FBN2: variants seen among roughly 807,000 people sequenced by gnomAD.
The protein encoded by FBN2 is fibrillin-2.
A neutral mutation model predicts 355.6 loss-of-function variants in FBN2; 105 were observed. That is an observed-to-expected ratio of 0.30 (90% confidence interval 0.25 to 0.35). The LOEUF (loss-of-function observed/expected upper bound fraction) is 0.35, where lower values mean the gene tolerates loss of function less well. FBN2 is among the 10% of genes least tolerant of loss of function. FBN2 has a pLI of 1.00. For synonymous variants in FBN2, 1,350 were observed against 1,301.2 expected, an observed-to-expected ratio of 1.04 and a Z score of -0.81; for missense variants, 3,280 against 3,758.7, an observed-to-expected ratio of 0.87 and a Z score of 3.33.
chr5:128,378,357 G>C (rs904355448), intron 12 of FBN2, among the ~76,000 whole-genome samples: 7 of 152,160 alleles, frequency 4.6e-5, no homozygotes, highest in African/African-American at 1.7e-4. Flanking sequence ...TCAGCAATGA[G>C]GTAGCGCGTT....
chr5:128,479,705 T>C (rs891853821), intron 5 of FBN2, among the ~76,000 whole-genome samples: 2 of 151,974 alleles, frequency 1.3e-5, no homozygotes, highest in African/African-American at 2.4e-5. Flanking sequence ...AACAGGAGGA[T>C]AGCCTCAGGC....
intron 21 of FBN2, among the ~76,000 whole-genome samples, chr5:128,350,415 G>C (rs1314336499): frequency 6.6e-6 from 1 of 152,172 alleles, no homozygotes; most frequent in Non-Finnish European, 1.5e-5. Context: ...GCTGGGCATG[G>C]TGGCGGGCAC....
chr5:128,338,183 A>G, intron 26 of FBN2, 61 bp from the exon 27 acceptor site: 1 of 1,511,906 alleles, frequency 6.6e-7, no homozygotes, highest in Non-Finnish European at 9.2e-7. Flanking sequence ...TCACACATAC[A>G]GCGTGGGAGA....
chr5:128,410,378 C>T (rs1429363418), intron 7 of FBN2, among the ~76,000 whole-genome samples: 4 of 151,992 alleles, frequency 2.6e-5, no homozygotes, highest in South Asian at 4.2e-4. Flanking sequence ...AAACTTATCA[C>T]CTCTGGATAA....
chr5:128,421,055 G>A lies in FBN2; in HGVS notation c.953-12256C>T, dbSNP rs74471099. Among the ~76,000 whole-genome samples, 992 of 152,292 alleles carry A rather than the reference G, an allele frequency of 6.5e-3. 10 individuals carry two copies. Among genetic ancestry groups the A allele is most frequent in the African/African-American group, 0.022 (933 of 41,558 alleles). ...AGACAATGAAAATACTCTAGCTAAA[G>A]TATGGAGGTAGCCAATTATAAGGCA... is the stretch of plus-strand genomic sequence containing the variant. On this transcript the variant is annotated intron_variant, in intron 7 of 64. Transcript: ENST00000262464.
intron 5 of FBN2, among the ~76,000 whole-genome samples, chr5:128,513,138 C>A (rs943471987): frequency 6.6e-6 from 1 of 152,176 alleles, no homozygotes; most frequent in Non-Finnish European, 1.5e-5. Flanking sequence ...CACATTATTG[C>A]TTTTAATCTT....
intron 34 of FBN2, 154 bp downstream of exon 34, chr5:128,328,542 T>C (rs1463656216): frequency 2.4e-6 from 2 of 820,130 alleles, no homozygotes; most frequent in African/African-American, 3.4e-5. Flanking sequence ...CATTATTCAT[T>C]CGGCAAAATA....
At chr5:128,444,577 G>T (rs528552737) in intron 7 of FBN2, among the ~76,000 whole-genome samples, 1 of 152,294 alleles carries the variant, frequency 6.6e-6, no homozygotes, top group South Asian at 2.1e-4. Flanking sequence ...TCTGGGCAAT[G>T]GTTAAATGGA....
chr5:128,312,534 G>A, intron 37 of FBN2, 100 bp downstream of exon 37: 1 of 1,321,524 alleles, frequency 7.6e-7, no homozygotes, highest in Non-Finnish European at 1.1e-6. Flanking sequence ...TTTTTGTTTT[G>A]TCCTCACTAA....
intron 8 of FBN2, 26 bp from the exon 9 acceptor site, chr5:128,395,300 G>T: frequency 6.2e-7 from 1 of 1,613,410 alleles, no homozygotes; most frequent in Non-Finnish European, 8.5e-7. Flanking sequence ...TAAGACAGAA[G>T]ATATGGCAGA....
intron 4 of FBN2, among the ~76,000 whole-genome samples, chr5:128,527,437 T>A (rs993647035): frequency 6.6e-6 from 1 of 152,176 alleles, no homozygotes; most frequent in Non-Finnish European, 1.5e-5. Context: ...TTGGCTCTCC[T>A]GGGGTTAATT....
chr5:128,456,002 A>AACAAAAAAAAAAAAAC, intron 6 of FBN2, among the ~76,000 whole-genome samples: 1 of 140,772 alleles, frequency 7.1e-6, no homozygotes, highest in South Asian at 2.4e-4. Flanking sequence ...AAAAAAAAAA[A>AACAAAAAAAAAAAAAC]AAAAAAAAAA....
rs1037274567 is a variant in FBN2, at chr5:128,374,620, T to A, written c.2095+8A>T. 6.2e-7 allele frequency: 1 copy of A among 1,613,874 alleles called. No homozygotes were observed. On this transcript the variant is annotated splice_region_variant and intron_variant, in intron 15 of 64. Transcript: ENST00000262464. ...CACAGTGGGGCCATTATAAAATGTT[T>A]CACTTACCAACACACACACGTCCAT...
intron 63 of FBN2, among the ~76,000 whole-genome samples, chr5:128,262,764 G>A (rs942970436): frequency 6.6e-6 from 1 of 152,148 alleles, no homozygotes; most frequent in African/African-American, 2.4e-5. Context: ...TTTCAAAGAA[G>A]GCAACCTGGA....
At chr5:128,453,809 C>T (rs1410164724) in intron 6 of FBN2, among the ~76,000 whole-genome samples, 1 of 152,108 alleles carries the variant, frequency 6.6e-6, no homozygotes, top group African/African-American at 2.4e-5. Flanking sequence ...CCAAACTCCT[C>T]CCCCAACTTT....
chr5:128,375,914 T>C (rs1336052203), intron 14 of FBN2, among the ~76,000 whole-genome samples: 1 of 151,998 alleles, frequency 6.6e-6, no homozygotes, highest in African/African-American at 2.4e-5. Context: ...GGCACATGCA[T>C]GTACTCCCAG....
At chr5:128,300,989 T>C in intron 47 of FBN2, 53 bp from the exon 48 acceptor site, 2 of 1,533,100 alleles carry the variant, frequency 1.3e-6, no homozygotes, top group Admixed American at 1.7e-5. Context: ...AATTGTTACA[T>C]AGATTTATCT....
chr5:128,281,709 A>T (rs144103235), intron 55 of FBN2, among the ~76,000 whole-genome samples: 6,876 of 152,180 alleles, frequency 0.045, 496 homozygotes, highest in African/African-American at 0.15. Context: ...TATTTGAGAC[A>T]GAGTCTCGCT....
At chr5:128,391,648 T>C (rs983994639) in intron 11 of FBN2, among the ~76,000 whole-genome samples, 2 of 152,156 alleles carry the variant, frequency 1.3e-5, no homozygotes, top group African/African-American at 2.4e-5. Flanking sequence ...TTTTAGTCCA[T>C]TGGTGTCTTG....
Sources: gnomAD v4.1 joint callset for allele counts (sites outside exome capture counted in the v4.1 genomes callset) on GRCh38, gnomAD v4.1.1 for gene constraint, MANE v1.5 for transcripts, NCBI Gene and HGNC (gene_info 2026-07-23, HGNC 2026-07-21) for gene names.